SNRPE: variants seen among roughly 807,000 people sequenced by gnomAD.
SNRPE encodes the protein small nuclear ribonucleoprotein E.
For synonymous variants in SNRPE, 35 were observed against 36.7 expected (o/e 0.95, Z 0.17); for missense variants, 53 against 111.6 (o/e 0.48, Z 2.36).
chr1:203,865,197 C>A, intron 4 of SNRPE, 78 bp downstream of exon 4: 2 of 1,293,046 alleles, frequency 1.5e-6, no homozygotes, highest in Non-Finnish European at 2.2e-6. Flanking sequence ...CAACTCAGTT[C>A]ATGTTTGAAT....
chr1:203,864,970 C>A, intron 3 of SNRPE, 71 bp from the exon 4 acceptor site: 1 of 1,456,158 alleles, frequency 6.9e-7, no homozygotes, highest in Non-Finnish European at 9.2e-7. Flanking sequence ...TTTTTATCTG[C>A]ATAGGTATAC....
chr1:203,861,754 G>T (rs948479930), intron 1 of SNRPE, 41 bp downstream of exon 1: 1 of 1,469,698 alleles, frequency 6.8e-7, no homozygotes, highest in East Asian at 2.3e-5. Flanking sequence ...GTTCGGGTCA[G>T]AATACGGGGT....
intron 4 of SNRPE, among the ~76,000 whole-genome samples, chr1:203,869,674 T>C (rs2103512736): frequency 6.6e-6 from 1 of 152,330 alleles, no homozygotes; most frequent in East Asian, 1.9e-4. Context: ...TGAAATGTCA[T>C]CTACCTATGT....
At chr1:203,868,295 A>G (rs924316203) in intron 4 of SNRPE, among the ~76,000 whole-genome samples, 2 of 151,994 alleles carry the variant, frequency 1.3e-5, no homozygotes, top group African/African-American at 4.8e-5. Flanking sequence ...AGCTCAGGCA[A>G]TCCACCTGCC....
intron 4 of SNRPE, among the ~76,000 whole-genome samples, chr1:203,867,438 T>C (rs1690115660): frequency 4.6e-5 from 7 of 152,164 alleles, no homozygotes. Context: ...CATTGTAATA[T>C]ATAATGAAAT....
At chr1:203,862,138 T>A in intron 1 of SNRPE, 58 bp from the exon 2 acceptor site, 1 of 1,402,906 alleles carries the variant, frequency 7.1e-7, no homozygotes, top group Non-Finnish European at 1.0e-6. Context: ...CGTCCGGTTG[T>A]TTCAGGAAGC....
At chr1:203,868,852 A>T (rs1013793275) in intron 4 of SNRPE, among the ~76,000 whole-genome samples, 1 of 151,978 alleles carries the variant, frequency 6.6e-6, no homozygotes, top group Non-Finnish European at 1.5e-5. Flanking sequence ...GTATTTTAGT[A>T]GAAGACGGGG....
chr1:203,865,880 AT>A (rs1291614279), intron 4 of SNRPE, among the ~76,000 whole-genome samples: 1 of 152,196 alleles, frequency 6.6e-6, no homozygotes, highest in Non-Finnish European at 1.5e-5. Context: ...AGATGAAGAG[AT>A]GCGTAGGGCA....
rs1553274850 is a variant in SNRPE, at chr1:203,867,117, A to ACAAAAAC, written c.223+1998_223+1999insCAAAAAC. On this transcript the variant is annotated intron_variant, in intron 4 of 4. Coordinates refer to ENST00000414487, the MANE Select transcript of SNRPE (RefSeq NM_003094.4). Reference sequence around the variant, plus strand: ...AACCCTGTCTTTCCTGAAAAAAAAAAAAAAAAAAAAAAATTAGCTGGGCAT... The same window carrying ACAAAAAC: ...AACCCTGTCTTTCCTGAAAAAAAAAACAAAAACAAAAAAAAAAAAATTAGCTGGGCAT... Among the ~76,000 whole-genome samples the ACAAAAAC allele has an allele frequency of 2.0e-4, 7 of 34,452 alleles. No homozygotes were observed. In the East Asian group the frequency reaches 3.0e-3, roughly 15 times the overall value. The allele number at this position is 34,452 out of a possible 152,430, so 22.6% of individuals were successfully genotyped here.
intron 2 of SNRPE, 78 bp downstream of exon 2, chr1:203,862,300 A>C: frequency 1.0e-6 from 1 of 994,954 alleles, no homozygotes; most frequent in Non-Finnish European, 1.6e-6. Context: ...AACCTGAGCG[A>C]TCGCTGTGTT....
intron 4 of SNRPE, among the ~76,000 whole-genome samples, chr1:203,866,761 TA>T (rs1205875921): frequency 1.3e-5 from 2 of 151,100 alleles, no homozygotes; most frequent in African/African-American, 4.9e-5. Context: ...GCTGTTAGGA[TA>T]AAAAAAAATC....
intron 4 of SNRPE, among the ~76,000 whole-genome samples, chr1:203,868,271 G>T (rs888573818): frequency 1.3e-5 from 2 of 152,158 alleles, no homozygotes; most frequent in African/African-American, 2.4e-5. Context: ...GCCCAGGCTG[G>T]TCTCTAACTT....
At chr1:203,863,765 G>A (rs1465401570) in intron 3 of SNRPE, 40 bp downstream of exon 3, 28 of 1,333,940 alleles carry the variant, frequency 2.1e-5, no homozygotes, top group East Asian at 1.6e-4. Context: ...CAGTTCGGTC[G>A]TAGAAAAAGA....
chr1:203,863,671 G>A lies in SNRPE; in HGVS notation c.90G>A (p.Arg30=), dbSNP rs1368743334. 6.2e-7 allele frequency: 1 copy of A among 1,610,826 alleles called. No homozygotes were observed. The highest frequency in any genetic ancestry group is 1.7e-5 in the Admixed American group (1 of 59,980). Reference sequence around the variant, plus strand: ...TTTTATGATTATTTCAGAGATCGCGGATTCAGGTGTGGCTCTATGAGCAAG... The same window carrying A: ...TTTTATGATTATTTCAGAGATCGCGAATTCAGGTGTGGCTCTATGAGCAAG... ...LIFRYLQNRS[R]IQVWLYEQVN... The change falls in exon 3 of 5, where the codon CGG becomes CGA. Residue 30 remains arginine (R), a synonymous_variant. Transcript: ENST00000414487.
intron 4 of SNRPE, among the ~76,000 whole-genome samples, chr1:203,865,371 C>A (rs146362614): frequency 6.6e-6 from 1 of 152,146 alleles, no homozygotes; most frequent in South Asian, 2.1e-4. Flanking sequence ...CAGTACTAAT[C>A]CTCATTTTAT....
At chr1:203,867,124 A>AAAC (rs1558158485) in intron 4 of SNRPE, among the ~76,000 whole-genome samples, 1 of 113,518 alleles carries the variant, frequency 8.8e-6, no homozygotes, top group Non-Finnish European at 2.0e-5. Flanking sequence ...AAAAAAAAAA[A>AAAC]AAAAAATTAG....
intron 4 of SNRPE, among the ~76,000 whole-genome samples, chr1:203,867,850 G>T (rs767888563): frequency 2.0e-5 from 3 of 152,088 alleles, no homozygotes; most frequent in South Asian, 4.1e-4. Context: ...ATTTGGTTTT[G>T]CTGGGGATGG....
Position 203,866,281 on chromosome 1 carries a change from C to A in SNRPE, c.223+1162C>A, listed in dbSNP as rs191559403. 4.6e-5 allele frequency among the ~76,000 whole-genome samples: 7 copies of A among 152,332 alleles called. No individual in the cohort carries two copies. In the East Asian group the frequency reaches 1.3e-3, roughly 29 times the overall value. On this transcript the variant is annotated intron_variant, in intron 4 of 4. Coordinates refer to ENST00000414487, the MANE Select transcript of SNRPE (RefSeq NM_003094.4). The stretch of plus-strand genomic sequence containing the variant: ...AATATTTTGCAGTATCACACCTTGG[C>A]TCTACGATATTATACTTGGGTTTTT...
In SNRPE at chr1:203,862,255, T is replaced by C. The variant is rs532117431; in HGVS notation, c.81+33T>C. The stretch of plus-strand genomic sequence containing the variant: ...AGTTGCTTGTTTCGTAACTACTTTT[T>C]AAATAAGAGGTGAACTGATTTAGTT... On this transcript the variant is annotated intron_variant, in intron 2 of 4. Coordinates refer to ENST00000414487, the MANE Select transcript of SNRPE (RefSeq NM_003094.4). 4.6e-5 allele frequency: 69 copies of C among 1,500,632 alleles called. 1 individual carries two copies. The South Asian group carries it at 7.5e-4, about 16-fold the overall frequency. 93.0% of individuals were successfully genotyped at this position (1,500,632 alleles called of 1,614,324 possible).
Sources: gnomAD v4.1 joint callset for allele counts (sites outside exome capture counted in the v4.1 genomes callset) on GRCh38, gnomAD v4.1.1 for gene constraint, MANE v1.5 for transcripts, NCBI Gene and HGNC (gene_info 2026-07-23, HGNC 2026-07-21) for gene names.